The following MALRD1 variants were observed in gnomAD, a reference collection of about 807,000 sequenced individuals.
MALRD1 encodes MAM and LDL-receptor class A domain-containing protein 1.
A neutral mutation model predicts 242.1 loss-of-function variants in MALRD1; 247 were observed. The ratio of observed to expected loss-of-function variants is 1.02; its 90% CI spans 0.92 to 1.13. The LOEUF is 1.13. MALRD1 is among the 50% of genes most tolerant of loss of function. MALRD1 has a pLI of 0.00. For missense variants in MALRD1, 2,989 were observed against 2,533.1 expected, an observed-to-expected ratio of 1.18 and a Z score of -3.86; for synonymous variants, 995 against 866.6, an observed-to-expected ratio of 1.15 and a Z score of -2.60.
chr10:19,311,042 C>T lies in MALRD1; in HGVS notation c.3420-12907C>T, dbSNP rs77647340. ...GAATGATAAAAAGAAAAAGTTGAAA[C>T]ACATAATATTTGGACAAAAGAGAAT... is the stretch of plus-strand genomic sequence containing the variant. On this transcript the variant is annotated intron_variant, in intron 21 of 39. Coordinates refer to ENST00000454679, the MANE Select transcript of MALRD1 (RefSeq NM_001142308.3). Among the ~76,000 whole-genome samples the T allele has an allele frequency of 2.0e-3, 298 of 151,442 alleles. 3 individuals are homozygous for T. In the East Asian group the frequency reaches 0.045, roughly 23 times the overall value.
At chr10:19,465,289 G>T (rs1184726310) in intron 29 of MALRD1, among the ~76,000 whole-genome samples, 3 of 152,024 alleles carry the variant, frequency 2.0e-5, no homozygotes, top group African/African-American at 4.8e-5. Flanking sequence ...TCTTGTTACG[G>T]TTCTCAAAGG....
rs187621844 is a variant in MALRD1, at chr10:19,445,290, C to T, written c.4846-5017C>T. On this transcript the variant is annotated intron_variant, in intron 28 of 39. Transcript: ENST00000454679. ...CCCGGAGAAGTTTGTTGTTACCAAT[C>T]GTCTGAAGCTTACTTCTGTCAATTT... 1.5e-3 allele frequency among the ~76,000 whole-genome samples: 223 copies of T among 152,282 alleles called. 1 individual carries two copies. The highest frequency in any genetic ancestry group is 1.6e-3 in the Non-Finnish European group (108 of 68,022).
At chr10:19,208,001 G>T (rs1278861541) in intron 17 of MALRD1, among the ~76,000 whole-genome samples, 1 of 151,964 alleles carries the variant, frequency 6.6e-6, no homozygotes, top group African/African-American at 2.4e-5. Context: ...TATTTGTGAT[G>T]GTACAAGATT....
rs536279658 is a variant in MALRD1 at position 19,500,697 on chromosome 10, C to CTAAAGCATT, written c.5320+2052_5320+2053insAAAGCATTT. ...CCCAATTTAGAAAGCATTTTGGCCTCTTGGACATAGAAGGGCCAACACATA... is the reference window on the plus strand; with the variant it reads ...CCCAATTTAGAAAGCATTTTGGCCTCTAAAGCATTTTGGACATAGAAGGGCCAACACATA... On this transcript the variant is annotated intron_variant, in intron 31 of 39. Coordinates refer to ENST00000454679, the MANE Select transcript of MALRD1 (RefSeq NM_001142308.3). Among the ~76,000 whole-genome samples the CTAAAGCATT allele has an allele frequency of 2.3e-4, 35 of 152,274 alleles. No individual in the cohort carries two copies. In the East Asian group the frequency reaches 6.2e-3, roughly 27 times the overall value.
intron 11 of MALRD1, among the ~76,000 whole-genome samples, chr10:19,152,490 A>G (rs536742110): frequency 1.3e-5 from 2 of 149,848 alleles, no homozygotes; most frequent in South Asian, 4.1e-4. Context: ...TCATCTAACC[A>G]GAGAGTTTGC....
intron 29 of MALRD1, among the ~76,000 whole-genome samples, chr10:19,485,258 C>T (rs1310405514): frequency 6.6e-6 from 1 of 152,096 alleles, no homozygotes; most frequent in Non-Finnish European, 1.5e-5. Context: ...ATTATAGTTG[C>T]AGTAAAAGCC....
intron 33 of MALRD1, among the ~76,000 whole-genome samples, chr10:19,570,950 A>G (rs966341996): frequency 2.0e-5 from 3 of 152,104 alleles, no homozygotes; most frequent in Admixed American, 2.0e-4. Flanking sequence ...AATTATTAGA[A>G]CCACATATTT....
At position 19,462,907 on chromosome 10, in the gene MALRD1, G is replaced by T. The variant is rs574531850; in HGVS notation, c.5029+12417G>T. Among the ~76,000 whole-genome samples the T allele has an allele frequency of 9.9e-5, 15 of 152,226 alleles. No individual in the cohort carries two copies. In the South Asian group the frequency reaches 3.1e-3, roughly 32 times the overall value. ...CTGGCTGGCAAGAAAAAATAAGGCA[G>T]GGAAAGAGGCAAAGGAAGGACACAT... On this transcript the variant is annotated intron_variant, in intron 29 of 39. Transcript: ENST00000454679.
chr10:19,415,523 A>G (rs1435787971), intron 28 of MALRD1, among the ~76,000 whole-genome samples: 1 of 152,222 alleles, frequency 6.6e-6, no homozygotes, highest in African/African-American at 2.4e-5. Context: ...TTGGTAAATG[A>G]CAACCAATGT....
chr10:19,363,251 G>T (rs1844972025), intron 26 of MALRD1, among the ~76,000 whole-genome samples: 2 of 151,990 alleles, frequency 1.3e-5, no homozygotes, highest in Non-Finnish European at 2.9e-5. Flanking sequence ...GATAAGAGAA[G>T]ATCCAGAGAA....
chr10:19,575,743 G>T (rs11010492), intron 33 of MALRD1, among the ~76,000 whole-genome samples: 1 of 152,070 alleles, frequency 6.6e-6, no homozygotes, highest in Admixed American at 6.6e-5. Flanking sequence ...CTTACTCTCA[G>T]TACAGCTCAG....
At chr10:19,306,334 G>A (rs569267493) in intron 21 of MALRD1, among the ~76,000 whole-genome samples, 15 of 135,774 alleles carry the variant, frequency 1.1e-4, no homozygotes, top group East Asian at 4.3e-4. Flanking sequence ...ATATAGTGTC[G>A]TATATATACC....
At chr10:19,386,983 A>C (rs1419604866) in intron 26 of MALRD1, among the ~76,000 whole-genome samples, 1 of 152,184 alleles carries the variant, frequency 6.6e-6, no homozygotes, top group Non-Finnish European at 1.5e-5. Flanking sequence ...ATTATAGACA[A>C]ATAAATATGC....
At chr10:19,220,007 C>T (rs1249569153) in intron 18 of MALRD1, among the ~76,000 whole-genome samples, 1 of 152,102 alleles carries the variant, frequency 6.6e-6, no homozygotes, top group Non-Finnish European at 1.5e-5. Context: ...AATTTTAAAC[C>T]TAGACAGTTG....
chr10:19,312,412 G>GTATA (rs1411793690), intron 21 of MALRD1, among the ~76,000 whole-genome samples: 53 of 146,634 alleles, frequency 3.6e-4, no homozygotes, highest in Non-Finnish European at 5.3e-4. Flanking sequence ...GTGTATATGT[G>GTATA]TGTGTGTGTG....
At chr10:19,446,374 A>G (rs1315638706) in intron 28 of MALRD1, among the ~76,000 whole-genome samples, 2 of 152,180 alleles carry the variant, frequency 1.3e-5, no homozygotes, top group African/African-American at 4.8e-5. Flanking sequence ...TACCCTTATT[A>G]AATACTAAAA....
At chr10:19,316,914 A>G (rs1296485441) in intron 21 of MALRD1, among the ~76,000 whole-genome samples, 1 of 151,702 alleles carries the variant, frequency 6.6e-6, no homozygotes, top group African/African-American at 2.4e-5. Context: ...TAACTAAAGG[A>G]ATATGATTAG....
chr10:19,354,714 T>G (rs1844544717), intron 26 of MALRD1, among the ~76,000 whole-genome samples: 1 of 152,134 alleles, frequency 6.6e-6, no homozygotes, highest in Non-Finnish European at 1.5e-5. Flanking sequence ...AACAATAATT[T>G]ACTGTGTATT....
In MALRD1 at chr10:19,588,069, G is replaced by C. The variant is rs140894629; in HGVS notation, c.5681-7125G>C. 8.9e-3 allele frequency among the ~76,000 whole-genome samples: 1,357 copies of C among 152,024 alleles called. 18 individuals are homozygous for C. The highest frequency in any genetic ancestry group is 0.031 in the African/African-American group (1,303 of 41,486). On this transcript the variant is annotated intron_variant, in intron 33 of 39. Coordinates refer to ENST00000454679, the MANE Select transcript of MALRD1 (RefSeq NM_001142308.3). ...TCACATAAAACTTCTGAAGCAATTG[G>C]TAAAGACCTGTAGGATGCATATGAA...
Sources: gnomAD v4.1 joint callset for allele counts (sites outside exome capture counted in the v4.1 genomes callset) on GRCh38, gnomAD v4.1.1 for gene constraint, MANE v1.5 for transcripts, NCBI Gene and HGNC (gene_info 2026-07-23, HGNC 2026-07-21) for gene names.